Variants in INTS4 observed in about 807,000 individuals in gnomAD.
INTS4 encodes the protein integrator complex subunit 4, also known as MSTP093.
INTS4 carries 70 observed loss-of-function variants against 119.5 expected under a neutral mutation model. The ratio of observed to expected loss-of-function variants is 0.59; its 90% CI spans 0.48 to 0.71. The LOEUF (loss-of-function observed/expected upper bound fraction) is 0.71. Ranked by LOEUF, INTS4 falls within the 30% of genes least tolerant of loss-of-function variation. The probability of loss-of-function intolerance (pLI) is 0.00; values close to 1 mark genes in which losing one functional copy is unlikely to be tolerated. For missense variants in INTS4, 867 were observed against 1,173.2 expected (o/e 0.74, Z 3.81); for synonymous variants, 316 against 419.6 (o/e 0.75, Z 3.02).
chr11:77,881,161 C>T (rs1030064224), intron 22 of INTS4, among the ~76,000 whole-genome samples: 1 of 152,140 alleles, frequency 6.6e-6, no homozygotes, highest in South Asian at 2.1e-4. Flanking sequence ...GCAACTTCTG[C>T]GTCATGCCTG....
intron 14 of INTS4, among the ~76,000 whole-genome samples, chr11:77,920,266 C>CATATATATACATATAT (rs1565244984): frequency 8.4e-4 from 42 of 50,096 alleles, no homozygotes; most frequent in African/African-American, 3.7e-3. Context: ...TACATATATA[C>CATATATATACATATAT]ACATATATAT....
At chr11:77,994,164 T>TC (rs1403334186) in intron 1 of INTS4, among the ~76,000 whole-genome samples, 1 of 152,002 alleles carries the variant, frequency 6.6e-6, no homozygotes, top group African/African-American at 2.4e-5. Flanking sequence ...TTCCAACTGG[T>TC]CCCTGGGAGG....
At chr11:77,955,554 A>G (rs746533741) in intron 8 of INTS4, among the ~76,000 whole-genome samples, 28 of 148,926 alleles carry the variant, frequency 1.9e-4, no homozygotes, top group Non-Finnish European at 2.2e-4. Flanking sequence ...GGAGTGCAGC[A>G]GCGTGATCTT....
chr11:77,955,601 T>C (rs187820857), intron 8 of INTS4, among the ~76,000 whole-genome samples: 2,154 of 151,962 alleles, frequency 0.014, 45 homozygotes, highest in African/African-American at 0.048. Context: ...GTTCAAGCGA[T>C]TCTCCTGCCT....
chr11:77,918,416 CA>C (rs34005455), intron 15 of INTS4: 1,184 of 58,450 alleles, frequency 0.02, no homozygotes, highest in South Asian at 0.068. Context: ...GACCCTGTCT[CA>C]AAAAAAAAAA....
At chr11:77,889,834 G>A (rs1376398169) in intron 21 of INTS4, among the ~76,000 whole-genome samples, 1 of 152,182 alleles carries the variant, frequency 6.6e-6, no homozygotes, top group East Asian at 1.9e-4. Context: ...AGCCTTGCGT[G>A]TGGTAGAGGT....
chr11:77,947,643 A>C (rs1293299722), intron 8 of INTS4, among the ~76,000 whole-genome samples: 1 of 152,244 alleles, frequency 6.6e-6, no homozygotes. Flanking sequence ...TAAAATTTTC[A>C]ATCTGCTAGT....
At chr11:77,916,412 C>A (rs1256606320) in intron 15 of INTS4, among the ~76,000 whole-genome samples, 1 of 152,058 alleles carries the variant, frequency 6.6e-6, no homozygotes, top group African/African-American at 2.4e-5. Context: ...ACACTGGTTA[C>A]AATGGTAAAT....
At chr11:77,892,851 G>C (rs1952335818) in intron 19 of INTS4, among the ~76,000 whole-genome samples, 1 of 152,168 alleles carries the variant, frequency 6.6e-6, no homozygotes, top group African/African-American at 2.4e-5. Context: ...CCAAAGTGCT[G>C]GGATTACAGG....
intron 8 of INTS4, among the ~76,000 whole-genome samples, chr11:77,953,746 G>A (rs932350666): frequency 6.6e-6 from 1 of 152,080 alleles, no homozygotes; most frequent in African/African-American, 2.4e-5. Context: ...ATCACACCAG[G>A]CTAGTTTTTG....
intron 11 of INTS4, 125 bp from the exon 12 acceptor site, chr11:77,925,017 GT>G: frequency 3.3e-6 from 2 of 612,774 alleles, no homozygotes; most frequent in Non-Finnish European, 5.6e-6. Flanking sequence ...GTATGTGGAA[GT>G]TTTTTAGCTG....
At chr11:77,933,781 C>T (rs1243598796) in intron 10 of INTS4, among the ~76,000 whole-genome samples, 2 of 151,672 alleles carry the variant, frequency 1.3e-5, no homozygotes, top group Admixed American at 6.6e-5. Flanking sequence ...AAGTGAGGAG[C>T]GTCTCCGCCC....
intron 11 of INTS4, 78 bp from the exon 12 acceptor site, chr11:77,924,970 C>T (rs1438972133): frequency 1.8e-6 from 2 of 1,136,316 alleles, no homozygotes; most frequent in Admixed American, 2.3e-5. Context: ...CCCCTTCTAC[C>T]CAGCCACCTT....
At chr11:77,920,705 A>G (rs2136478694) in intron 14 of INTS4, among the ~76,000 whole-genome samples, 1 of 151,848 alleles carries the variant, frequency 6.6e-6, no homozygotes, top group Non-Finnish European at 1.5e-5. Context: ...ACAAAAAATT[A>G]GCCGGGCGTG....
At chr11:77,924,518 C>A (rs1193295639) in intron 12 of INTS4, 3 of 483,544 alleles carry the variant, frequency 6.2e-6, no homozygotes, top group African/African-American at 5.9e-5. Flanking sequence ...ACACAGCAGG[C>A]ACATAATATT....
At chr11:77,954,310 T>A (rs937608417) in intron 8 of INTS4, among the ~76,000 whole-genome samples, 4 of 152,072 alleles carry the variant, frequency 2.6e-5, no homozygotes, top group African/African-American at 9.7e-5. Flanking sequence ...TTTAATTTTT[T>A]AAAATTTTAT....
At position 77,949,823 on chromosome 11, in the gene INTS4, T is replaced by C. The variant is rs534111156; in HGVS notation, c.918+6119A>G. Among the ~76,000 whole-genome samples, 330 of 152,258 alleles carry C rather than the reference T, an allele frequency of 2.2e-3. 3 individuals carry two copies. The highest frequency in any genetic ancestry group is 0.014 in the South Asian group (68 of 4,828). On this transcript the variant is annotated intron_variant, in intron 8 of 22. Transcript: ENST00000534064. The stretch of plus-strand genomic sequence containing the variant: ...AGACAGCATGGCGATTCCTCAAGGA[T>C]CTAGAACCAGAAATACCATTTGACC...
intron 10 of INTS4, among the ~76,000 whole-genome samples, chr11:77,929,908 C>G (rs1029749655): frequency 9.2e-5 from 14 of 152,126 alleles, no homozygotes; most frequent in Non-Finnish European, 1.6e-4. Flanking sequence ...GTAAGTATCA[C>G]CTAGGGTATA....
chr11:77,918,310 G>A, intron 15 of INTS4: 1 of 522,160 alleles, frequency 1.9e-6, no homozygotes, highest in East Asian at 3.7e-5. Context: ...GGTGGCATAT[G>A]CCTGTGGTCC....
Sources: allele counts gnomAD v4.1 joint callset (sites outside exome capture counted in the v4.1 genomes callset), GRCh38; gene constraint gnomAD v4.1.1; transcripts MANE v1.5; gene names NCBI Gene and HGNC (gene_info 2026-07-23, HGNC 2026-07-21).